PXDN: variants seen among roughly 807,000 people sequenced by gnomAD.
PXDN encodes peroxidasin.
Under a neutral mutation model 140.3 loss-of-function variants are expected in PXDN, and 77 were observed. The ratio of observed to expected loss-of-function variants is 0.55; its 90% CI spans 0.46 to 0.66. The LOEUF (loss-of-function observed/expected upper bound fraction) is 0.66, where lower values mean the gene tolerates loss of function less well. Among genes scored for constraint, PXDN ranks in the 30% least tolerant of loss-of-function variants. PXDN has a pLI of 0.00. For missense variants in PXDN, 1,838 were observed against 2,039.5 expected (o/e 0.90, Z 1.90); for synonymous variants, 911 against 857.4 (o/e 1.06, Z -1.09).
At chr2:1,743,647 G>A (rs868145334) in intron 1 of PXDN, among the ~76,000 whole-genome samples, 1 of 141,966 alleles carries the variant, frequency 7.0e-6, no homozygotes, top group African/African-American at 2.7e-5. Flanking sequence ...GAGAAGGAAG[G>A]GGGGGAGGAG....
At chr2:1,634,528 T>C (rs1298604629) in intron 22 of PXDN, among the ~76,000 whole-genome samples, 1 of 152,194 alleles carries the variant, frequency 6.6e-6, no homozygotes, top group Non-Finnish European at 1.5e-5. Flanking sequence ...TATGAGTTAA[T>C]GGGAGCCCCC....
intron 1 of PXDN, among the ~76,000 whole-genome samples, chr2:1,734,132 G>A (rs928886474): frequency 2.6e-5 from 4 of 152,032 alleles, no homozygotes; most frequent in East Asian, 1.9e-4. Context: ...GAAATATACC[G>A]CTCGGATATT....
intron 1 of PXDN, among the ~76,000 whole-genome samples, chr2:1,716,305 G>T (rs1684891959): frequency 6.6e-6 from 1 of 152,004 alleles, no homozygotes; most frequent in Non-Finnish European, 1.5e-5. Flanking sequence ...GGGCATGGTG[G>T]TACATACCTG....
At position 1,726,459 on chromosome 2, in the gene PXDN, T is replaced by C. The variant is rs909315111; in HGVS notation, c.200+17797A>G. The stretch of plus-strand genomic sequence containing the variant: ...CGGGGGAGGGGGGGAGGGATAGCTT[T>C]AGGAGATATACCTAATGCTAAATGA... On this transcript the variant is annotated intron_variant, in intron 1 of 22. Transcript: ENST00000252804. Among the ~76,000 whole-genome samples the C allele has an allele frequency of 3.3e-5, 5 of 149,990 alleles. No homozygotes were observed. In the East Asian group the frequency reaches 5.9e-4, roughly 18 times the overall value.
intron 7 of PXDN, among the ~76,000 whole-genome samples, chr2:1,678,858 C>T (rs1572151875): frequency 6.6e-6 from 1 of 152,208 alleles, no homozygotes; most frequent in Non-Finnish European, 1.5e-5. Context: ...AGGCAGGCGG[C>T]TGCACAGGGG....
At chr2:1,702,311 C>T (rs1229724770) in intron 1 of PXDN, among the ~76,000 whole-genome samples, 1 of 152,210 alleles carries the variant, frequency 6.6e-6, no homozygotes, top group African/African-American at 2.4e-5. Context: ...CCCCCAACCC[C>T]GGCACAGTGT....
intron 1 of PXDN, among the ~76,000 whole-genome samples, chr2:1,700,518 G>T (rs1390059327): frequency 6.6e-6 from 1 of 152,118 alleles, no homozygotes; most frequent in South Asian, 2.1e-4. Flanking sequence ...ATTTCAACTC[G>T]AATGTGCCTT....
intron 14 of PXDN, among the ~76,000 whole-genome samples, chr2:1,656,159 C>CA (rs1156307035): frequency 1.3e-5 from 2 of 151,754 alleles, no homozygotes; most frequent in African/African-American, 4.8e-5. Flanking sequence ...CACACCAAAC[C>CA]AAAGAAACAC....
chr2:1,652,801 C>G (rs1247072831), intron 16 of PXDN, among the ~76,000 whole-genome samples: 5 of 152,180 alleles, frequency 3.3e-5, no homozygotes, highest in Admixed American at 6.5e-5. Context: ...TTTCATTTAA[C>G]CATTGAAGAA....
At chr2:1,741,317 G>A (rs1206050688) in intron 1 of PXDN, among the ~76,000 whole-genome samples, 5 of 152,130 alleles carry the variant, frequency 3.3e-5, no homozygotes, top group Non-Finnish European at 5.9e-5. Flanking sequence ...GAATGATTCT[G>A]TATTCAAAAA....
At chr2:1,663,191 G>A (rs1683346536) in intron 12 of PXDN, among the ~76,000 whole-genome samples, 1 of 152,076 alleles carries the variant, frequency 6.6e-6, no homozygotes, top group Non-Finnish European at 1.5e-5. Context: ...AACTGGATTT[G>A]GCCTCATGAT....
chr2:1,692,953 A>G (rs1684217743), intron 2 of PXDN, 110 bp downstream of exon 2: 3 of 1,067,966 alleles, frequency 2.8e-6, no homozygotes, highest in East Asian at 5.3e-5. Context: ...TTCCTGCTCC[A>G]CTTTTCCCCA....
At chr2:1,743,846 G>A (rs900514855) in intron 1 of PXDN, among the ~76,000 whole-genome samples, 1 of 146,552 alleles carries the variant, frequency 6.8e-6, no homozygotes, top group African/African-American at 2.5e-5. Context: ...CCTGAGCGGG[G>A]GAAAGGTGAG....
At chr2:1,694,509 C>T (rs1054096086) in intron 1 of PXDN, among the ~76,000 whole-genome samples, 2 of 152,110 alleles carry the variant, frequency 1.3e-5, no homozygotes, top group African/African-American at 4.8e-5. Flanking sequence ...GGAAGGCGGC[C>T]CCCCTCTGCC....
rs1404718933 is a variant in PXDN, at chr2:1,632,504, A to G, written c.*1700T>C. ...ACCAACCAATTTTTATCAATCACTT[A>G]CCAATATGAGGTTAAGAAGTTAAGA... is the stretch of plus-strand genomic sequence containing the variant. On this transcript the variant is annotated 3_prime_UTR_variant, in exon 23 of 23. Coordinates refer to ENST00000252804, the MANE Select transcript of PXDN (RefSeq NM_012293.3). The surrounding 1 kb of genome is among the most constrained non-coding windows in gnomAD (Gnocchi z 4.3). The G allele has an allele frequency of 1.3e-5, 2 of 152,234 alleles. No homozygotes were observed. Among genetic ancestry groups the G allele is most frequent in the Non-Finnish European group, 2.9e-5 (2 of 68,050 alleles). 9.4% of individuals were successfully genotyped at this position (152,234 alleles called of 1,614,324 possible).
rs967177027 is a variant in PXDN, at chr2:1,714,536, A to G, written c.201-21402T>C. 6.6e-6 allele frequency among the ~76,000 whole-genome samples: 1 copy of G among 152,170 alleles called. No homozygotes were observed. The highest frequency in any genetic ancestry group is 1.5e-5 in the Non-Finnish European group (1 of 68,032). On this transcript the variant is annotated intron_variant, in intron 1 of 22. Coordinates refer to ENST00000252804, the MANE Select transcript of PXDN (RefSeq NM_012293.3). The surrounding 1 kb of genome is among the most constrained non-coding windows in gnomAD (Gnocchi z 4.3). ...GAAATGCCCCTCCCACAGCAGGCCC[A>G]GTGCGTGCATTCCCTGAAAGGCCAG...
At chr2:1,637,973 G>C (rs964611249) in intron 21 of PXDN, among the ~76,000 whole-genome samples, 2 of 151,960 alleles carry the variant, frequency 1.3e-5, no homozygotes, top group Non-Finnish European at 2.9e-5. Flanking sequence ...GGCTGCAGAG[G>C]CAGGAGGACC....
chr2:1,719,823 A>G (rs1478400440), intron 1 of PXDN, among the ~76,000 whole-genome samples: 1 of 141,632 alleles, frequency 7.1e-6, no homozygotes, highest in Non-Finnish European at 1.5e-5. Context: ...GGATGTGTGT[A>G]CATGCGTGCA....
At chr2:1,699,107 A>G (rs1684361630) in intron 1 of PXDN, among the ~76,000 whole-genome samples, 1 of 152,240 alleles carries the variant, frequency 6.6e-6, no homozygotes, top group Non-Finnish European at 1.5e-5. Context: ...ATCACAAGTC[A>G]CTGCAGAACC....
Sources: gnomAD v4.1 joint callset for allele counts (sites outside exome capture counted in the v4.1 genomes callset) on GRCh38, gnomAD v4.1.1 for gene constraint, Gnocchi (gnomAD v3.1) non-coding constraint, MANE v1.5 for transcripts, NCBI Gene and HGNC (gene_info 2026-07-23, HGNC 2026-07-21) for gene names.